Variants in ALOX5AP observed in about 807,000 individuals in gnomAD.
The protein encoded by ALOX5AP is arachidonate 5-lipoxygenase activating protein, also known as arachidonate 5-lipoxygenase-activating protein.
A neutral mutation model predicts 18.5 loss-of-function variants in ALOX5AP; 9 were observed. The observed-to-expected ratio is 0.49, with a 90% confidence interval of 0.29 to 0.85. The LOEUF is 0.85. ALOX5AP is among the 40% of genes least tolerant of loss of function. ALOX5AP has a pLI of 0.08. For synonymous variants in ALOX5AP, 81 were observed against 78.6 expected (o/e 1.03, Z -0.16); for missense variants, 172 against 202.5 (o/e 0.85, Z 0.91).
chr13:30,756,112 G>A, intron 4 of ALOX5AP, 87 bp downstream of exon 4: 1 of 1,302,540 alleles, frequency 7.7e-7, no homozygotes, highest in Non-Finnish European at 1.1e-6. Context: ...TATTTGACTA[G>A]ATTCACGGCT....
intron 2 of ALOX5AP, among the ~76,000 whole-genome samples, chr13:30,748,079 C>T (rs1033000219): frequency 4.6e-5 from 7 of 151,990 alleles, no homozygotes; most frequent in Middle Eastern, 3.2e-3. Flanking sequence ...CCACCATGTC[C>T]GGCTAATTTT....
At chr13:30,757,173 C>T (rs1951903190) in intron 4 of ALOX5AP, among the ~76,000 whole-genome samples, 1 of 152,094 alleles carries the variant, frequency 6.6e-6, no homozygotes, top group East Asian at 1.9e-4. Context: ...ACAATAGCAC[C>T]CCTCTCTAGT....
At chr13:30,752,005 C>T in intron 2 of ALOX5AP, 47 bp from the exon 3 acceptor site, 1 of 1,556,788 alleles carries the variant, frequency 6.4e-7, no homozygotes, top group South Asian at 1.1e-5. Context: ...CCACATTGCA[C>T]TAACTTGGTC....
chr13:30,728,125 A>G (rs1221979961), intron 1 of ALOX5AP, among the ~76,000 whole-genome samples: 1 of 152,232 alleles, frequency 6.6e-6, no homozygotes, highest in African/African-American at 2.4e-5. Context: ...CTTCTATGAC[A>G]GCCACAGGAA....
intron 1 of ALOX5AP, among the ~76,000 whole-genome samples, chr13:30,730,079 G>T (rs527651276): frequency 6.6e-6 from 1 of 152,174 alleles, no homozygotes. Context: ...CTATTTGTTC[G>T]CTTAGCGCAG....
intron 1 of ALOX5AP, among the ~76,000 whole-genome samples, chr13:30,727,388 C>T (rs763001864): frequency 3.3e-5 from 5 of 151,996 alleles, no homozygotes; most frequent in African/African-American, 4.8e-5. Context: ...TTAAGAGGTG[C>T]GAATGGATGT....
At chr13:30,743,803 T>G (rs972614191) in intron 1 of ALOX5AP, among the ~76,000 whole-genome samples, 1 of 152,134 alleles carries the variant, frequency 6.6e-6, no homozygotes, top group African/African-American at 2.4e-5. Context: ...TTTCCTTGTT[T>G]GTCTATTCCT....
chr13:30,748,632 T>C (rs1193638507), intron 2 of ALOX5AP, among the ~76,000 whole-genome samples: 7 of 152,194 alleles, frequency 4.6e-5, no homozygotes, highest in Non-Finnish European at 7.3e-5. Context: ...AATTTGTCAA[T>C]AGGAAAGACA....
chr13:30,734,146 G>T (rs1213162511), upstream of ALOX5AP, among the ~76,000 whole-genome samples: 2 of 152,154 alleles, frequency 1.3e-5, no homozygotes, highest in Non-Finnish European at 2.9e-5. Context: ...TCTCTGGAGA[G>T]CCTTGGCTAA....
intron 2 of ALOX5AP, among the ~76,000 whole-genome samples, chr13:30,750,582 T>C (rs1029323683): frequency 2.6e-5 from 4 of 152,208 alleles, no homozygotes; most frequent in African/African-American, 9.7e-5. Flanking sequence ...GAGCAAGTTA[T>C]TCAGCTTCTC....
At chr13:30,743,942 A>AT in intron 1 of ALOX5AP, 118 bp from the exon 2 acceptor site, 1 of 754,124 alleles carries the variant, frequency 1.3e-6, no homozygotes, top group Admixed American at 2.1e-5. Flanking sequence ...GATGGAGGAC[A>AT]TTTAGGGTTG....
chr13:30,722,642 G>A (rs898269141), intron 1 of ALOX5AP, among the ~76,000 whole-genome samples: 1 of 152,162 alleles, frequency 6.6e-6, no homozygotes, highest in African/African-American at 2.4e-5. Context: ...AACTGTATCT[G>A]ATATAGTTTG....
chr13:30,736,219 C>T (rs940816557), intron 1 of ALOX5AP, among the ~76,000 whole-genome samples: 12 of 150,762 alleles, frequency 8.0e-5, no homozygotes, highest in African/African-American at 2.9e-4. Context: ...TTTGGTGATA[C>T]CTTCTTTTTC....
intron 1 of ALOX5AP, among the ~76,000 whole-genome samples, chr13:30,726,767 A>C (rs934234286): frequency 1.3e-5 from 2 of 152,060 alleles, no homozygotes; most frequent in Non-Finnish European, 2.9e-5. Context: ...CCTGGGCTCA[A>C]CTGATTCTAC....
At chr13:30,748,148 AC>A (rs897853835) in intron 2 of ALOX5AP, among the ~76,000 whole-genome samples, 2 of 151,688 alleles carry the variant, frequency 1.3e-5, no homozygotes, top group African/African-American at 4.8e-5. Flanking sequence ...CAAACTCCTT[AC>A]CTCAGGTGAT....
In ALOX5AP at chr13:30,751,642, A is replaced by G. The variant is rs180714483; in HGVS notation, c.171-410A>G. ...CTTGCAGACCTGGGCTGATTTGTGG[A>G]TCTGATAGAAAAGTTTCCTTAGTTG... On this transcript the variant is annotated intron_variant, in intron 2 of 4. Transcript: ENST00000380490. 8.5e-5 allele frequency among the ~76,000 whole-genome samples: 13 copies of G among 152,260 alleles called. No homozygotes were observed. The East Asian group carries it at 2.3e-3, about 27-fold the overall frequency.
At chr13:30,749,298 CTACTTAA>C (rs1226055712) in intron 2 of ALOX5AP, among the ~76,000 whole-genome samples, 2 of 152,114 alleles carry the variant, frequency 1.3e-5, no homozygotes, top group East Asian at 3.8e-4. Flanking sequence ...GACAAAATCG[CTACTTAA>C]AAACAAACCA....
chr13:30,727,560 A>G (rs1031796232), intron 1 of ALOX5AP, among the ~76,000 whole-genome samples: 1 of 152,190 alleles, frequency 6.6e-6, no homozygotes, highest in Non-Finnish European at 1.5e-5. Context: ...AAGGAGCAGC[A>G]TCTTTTTACA....
At position 30,735,664 on chromosome 13, in the gene ALOX5AP, T is replaced by G. The variant is rs1476580755; in HGVS notation, c.59T>G (p.Val20Gly). The change falls in exon 1 of 5, where the codon GTG becomes GGG. Residue 20 changes from valine to glycine, a missense_variant. Coordinates refer to ENST00000380490, the MANE Select transcript of ALOX5AP (RefSeq NM_001629.4). ...TTGGCCATCGTCACCCTCATCAGCG[T>G]GGTCCAGAATGGTAAGGAAAGCCCT... ...VLLAIVTLIS[V>G]VQNGFFAHKV... 1 of 1,614,014 alleles carries G rather than the reference T, an allele frequency of 6.2e-7. No individual in the cohort carries two copies. Among genetic ancestry groups the G allele is most frequent in the African/African-American group, 1.3e-5 (1 of 74,920 alleles).
Sources: gnomAD v4.1 joint callset for allele counts (sites outside exome capture counted in the v4.1 genomes callset) on GRCh38, gnomAD v4.1.1 for gene constraint, MANE v1.5 for transcripts, NCBI Gene and HGNC (gene_info 2026-07-23, HGNC 2026-07-21) for gene names.